FAM240C: variants seen among roughly 807,000 people sequenced by gnomAD.
FAM240C encodes protein FAM240C.
In FAM240C, 14 loss-of-function variants were observed where a neutral mutation model predicts 10.0. That is an observed-to-expected ratio of 1.40 (90% CI 0.92 to 2.19). The LOEUF (loss-of-function observed/expected upper bound fraction) is 2.19, where lower values mean the gene tolerates loss of function less well. FAM240C is among the 30% of genes most tolerant of loss of function. The pLI, the probability that FAM240C is intolerant of heterozygous loss-of-function variation, is 0.00. For synonymous variants in FAM240C, 49 were observed against 44.3 expected (o/e 1.11, Z -0.42); for missense variants, 154 against 122.3 (o/e 1.26, Z -1.22).
Position 241,900,246 on chromosome 2 carries a change from C to T in FAM240C, c.12+112G>A. The T allele has an allele frequency of 3.0e-6, 2 of 674,220 alleles. No individual in the cohort carries two copies. The highest frequency in any genetic ancestry group is 3.2e-5 in the South Asian group (2 of 62,970). 41.8% of individuals were successfully genotyped at this position (674,220 alleles called of 1,614,324 possible). On this transcript the variant is annotated intron_variant, in intron 1 of 2. Transcript: ENST00000404031. This position sits in a 1 kb window ranked among gnomAD's most constrained non-coding sequence, Gnocchi z 4.5. ...GTTCCCCCAGCGAAATGCGGGTGGG[C>T]TCACGTCTTGTGCCAGATATGTCAC... is the stretch of plus-strand genomic sequence containing the variant.
At position 241,894,079 on chromosome 2, in the gene FAM240C, G is replaced by A. The variant is rs1261849307; in HGVS notation, c.*134C>T. ...GTGGACCCCGAGGTGGGATTATTAC[G>A]GGGTCAGCGAGGTGCGGGCCATTTC... On this transcript the variant is annotated 3_prime_UTR_variant, in exon 3 of 3. Transcript: ENST00000404031. 2.9e-6 allele frequency: 3 copies of A among 1,024,004 alleles called. No homozygotes were observed. Among genetic ancestry groups the A allele is most frequent in the Non-Finnish European group, 4.1e-6 (3 of 723,356 alleles). 63.4% of individuals were successfully genotyped at this position (1,024,004 alleles called of 1,614,324 possible).
rs1347547395 is a variant in FAM240C at position 241,897,275 on chromosome 2, C to T, written c.72G>A (p.Gly24=). The T allele has an allele frequency of 3.9e-6, 6 of 1,549,866 alleles. No homozygotes were observed. Among genetic ancestry groups the T allele is most frequent in the Admixed American group, 2.0e-5 (1 of 50,976 alleles). The change falls in exon 2 of 3, where the codon GGG becomes GGA. Residue 24 remains glycine (G), a synonymous_variant. Coordinates refer to ENST00000404031, the MANE Select transcript of FAM240C (RefSeq NM_001382368.1). ...TTTTTTTCTCCCAAAACATCTTTAT[C>T]CCGCCTGAATCGTATGCTACTCTTC... ...NPGRVAYDSG[G]IKMFWEKKIE...
At chr2:241,900,582 A>G (rs564999838), upstream of FAM240C, 1 of 575,070 alleles carries the variant, frequency 1.7e-6, no homozygotes, top group Non-Finnish European at 3.1e-6. The surrounding 1 kb of genome is among the most constrained non-coding windows in gnomAD (Gnocchi z 4.5). Flanking sequence ...TGTTGGCAGC[A>G]TGGGAATCTG....
Position 241,897,208 on chromosome 2 carries a change from C to T in FAM240C, c.139G>A (p.Val47Ile). ...ARHLQNEDIRVRRSALNKLRV... is the reference protein window; with the variant it reads ...ARHLQNEDIRIRRSALNKLRV... ...CACTTGTTCAGAGCGCTTCTGCGAACCCTGATGTCCTCGTTCTGCAGGTGT... is the reference window on the plus strand; with the variant it reads ...CACTTGTTCAGAGCGCTTCTGCGAATCCTGATGTCCTCGTTCTGCAGGTGT... Residue 47 changes from valine to isoleucine, a missense_variant, in exon 2 of 3, where the codon GTT becomes ATT. By Grantham distance (29) the Val-to-Ile change is conservative. Coordinates refer to ENST00000404031, the MANE Select transcript of FAM240C (RefSeq NM_001382368.1). The T allele has an allele frequency of 1.3e-6, 2 of 1,549,860 alleles. No homozygotes were observed. The highest frequency in any genetic ancestry group is 1.2e-5 in the South Asian group (1 of 84,060).
rs944772271 is a variant in FAM240C, at chr2:241,900,326, G to A, written c.12+32C>T. ...AATGCAGCGCCAATCTCTCAAGCAA[G>A]GACAGCGCCTGTCACATCACAGAGA... On this transcript the variant is annotated intron_variant, in intron 1 of 2. Transcript: ENST00000404031. This position sits in a 1 kb window ranked among gnomAD's most constrained non-coding sequence, Gnocchi z 4.5. 1.4e-6 allele frequency: 1 copy of A among 717,084 alleles called. No individual in the cohort carries two copies. Among genetic ancestry groups the A allele is most frequent in the Admixed American group, 2.0e-5 (1 of 50,004 alleles). 44.4% of individuals were successfully genotyped at this position (717,084 alleles called of 1,614,324 possible). A position where few individuals can be genotyped will look rare whatever the true frequency, so the allele number is the denominator to read the frequency against.
chr2:241,894,734 G>A (rs886760332), intron 2 of FAM240C, among the ~76,000 whole-genome samples: 1 of 152,218 alleles, frequency 6.6e-6, no homozygotes, highest in Non-Finnish European at 1.5e-5. Context: ...CTCTGCTCAC[G>A]GAGAGGCAGG....
At chr2:241,896,183 G>A (rs148898791) in intron 2 of FAM240C, among the ~76,000 whole-genome samples, 2,091 of 152,222 alleles carry the variant, frequency 0.014, 33 homozygotes, top group Non-Finnish European at 0.015. Flanking sequence ...GCTGTGTGCC[G>A]GCCAGTGTCT....
At chr2:241,896,666 G>T (rs867823236) in intron 2 of FAM240C, among the ~76,000 whole-genome samples, 6 of 45,916 alleles carry the variant, frequency 1.3e-4, no homozygotes, top group African/African-American at 2.6e-4. Context: ...AAGGGGTGTG[G>T]GTGTTGGGGT....
chr2:241,895,967 G>T (rs1701788770), intron 2 of FAM240C, among the ~76,000 whole-genome samples: 1 of 152,030 alleles, frequency 6.6e-6, no homozygotes, highest in African/African-American at 2.4e-5. Flanking sequence ...CGGTGGTGGG[G>T]GGGGGCCTCT....
chr2:241,894,311 C>T lies in FAM240C; in HGVS notation c.190G>A (p.Glu64Lys), dbSNP rs1171864609. 2 of 1,548,854 alleles carry T rather than the reference C, an allele frequency of 1.3e-6. No homozygotes were observed. The highest frequency in any genetic ancestry group is 2.4e-5 in the East Asian group (1 of 40,910). ...CCCTGCAGCATCTTGTTCCTCCCCT[C>T]CAGCTGCTCAGCCCATCCCACGCGG... ...KLRVGWAEQLEGRNKMLQGPG... is the reference protein window; with the variant it reads ...KLRVGWAEQLKGRNKMLQGPG... Residue 64 changes from glutamate (E) to lysine (K), a missense_variant, in exon 3 of 3, where the codon GAG becomes AAG. Glu to Lys is a moderately conservative substitution (Grantham distance 56). Transcript: ENST00000404031.
chr2:241,894,959 TC>T (rs1210137436), intron 2 of FAM240C, among the ~76,000 whole-genome samples: 13 of 152,062 alleles, frequency 8.5e-5, no homozygotes, highest in African/African-American at 2.9e-4. Flanking sequence ...TGGTCCAGGC[TC>T]CCCGAGACCT....
chr2:241,894,578 G>T (rs980896552), intron 2 of FAM240C, among the ~76,000 whole-genome samples: 6 of 104,290 alleles, frequency 5.8e-5, no homozygotes, highest in Non-Finnish European at 7.4e-5. Context: ...GTTGGTGGGG[G>T]GGGGGGGGGG....
chr2:241,901,669 G>C (rs1457059554), upstream of FAM240C, among the ~76,000 whole-genome samples: 3 of 152,208 alleles, frequency 2.0e-5, no homozygotes, highest in Non-Finnish European at 4.4e-5. The surrounding 1 kb of genome is among the most constrained non-coding windows in gnomAD (Gnocchi z 4.9). Flanking sequence ...TGCTCAGGCA[G>C]CGCGGGTGGA....
At chr2:241,896,967 C>T (rs988421188) in intron 2 of FAM240C, among the ~76,000 whole-genome samples, 8 of 151,820 alleles carry the variant, frequency 5.3e-5, no homozygotes, top group East Asian at 1.9e-4. Flanking sequence ...GGTGTCTTGT[C>T]ATTTCCCACC....
intron 1 of FAM240C, among the ~76,000 whole-genome samples, chr2:241,898,924 T>TGCAGCCCTGG (rs1479322692): frequency 6.6e-6 from 1 of 152,230 alleles, no homozygotes; most frequent in Non-Finnish European, 1.5e-5. Flanking sequence ...GAGCCATTTC[T>TGCAGCCCTGG]GCAGCCCTGG....
At position 241,894,228 on chromosome 2, in the gene FAM240C, G is replaced by A; in HGVS notation, c.273C>T (p.Asp91=). The A allele has an allele frequency of 3.2e-6, 5 of 1,549,690 alleles. No homozygotes were observed. Among genetic ancestry groups the A allele is most frequent in the Non-Finnish European group, 3.5e-6 (4 of 1,146,516 alleles). Residue 91 remains aspartate, a synonymous_variant, in exon 3 of 3, where the codon GAC becomes GAT. Transcript: ENST00000404031. ...TCGTGGGCCCTCAGGCCGCCTTCTTGTCCTTGGTGTGGAGGGACTCAGTGG... is the reference window on the plus strand; with the variant it reads ...TCGTGGGCCCTCAGGCCGCCTTCTTATCCTTGGTGTGGAGGGACTCAGTGG... ...PEATESLHTK[D]KKAA
chr2:241,894,926 C>T (rs975689869), intron 2 of FAM240C, among the ~76,000 whole-genome samples: 5 of 152,234 alleles, frequency 3.3e-5, no homozygotes, highest in Non-Finnish European at 7.3e-5. Context: ...GCGGACCTGG[C>T]GGCAGGAATG....
At chr2:241,899,446 C>A in intron 1 of FAM240C, 1 of 612,358 alleles carries the variant, frequency 1.6e-6, no homozygotes, top group Non-Finnish European at 2.0e-6. Context: ...TGAGTGAAAA[C>A]TCATCCAATG....
intron 2 of FAM240C, among the ~76,000 whole-genome samples, chr2:241,896,303 A>T (rs1409488489): frequency 6.6e-6 from 1 of 152,180 alleles, no homozygotes; most frequent in Non-Finnish European, 1.5e-5. Context: ...CCTTGGCCCT[A>T]GGAGAGAAAG....
Sources: gnomAD v4.1 joint callset for allele counts (sites outside exome capture counted in the v4.1 genomes callset) on GRCh38, gnomAD v4.1.1 for gene constraint, Gnocchi (gnomAD v3.1) non-coding constraint, MANE v1.5 for transcripts, NCBI Gene and HGNC (gene_info 2026-07-23, HGNC 2026-07-21) for gene names.